SLIT2: variants seen among roughly 807,000 people sequenced by gnomAD.
SLIT2 encodes slit guidance ligand 2.
In SLIT2, 41 loss-of-function variants were observed where a neutral mutation model predicts 185.7. The observed-to-expected ratio is 0.22, with a 90% CI of 0.17 to 0.29. SLIT2 has a LOEUF of 0.29. SLIT2 is among the 10% of genes least tolerant of loss of function. The pLI, the probability that SLIT2 is intolerant of heterozygous loss-of-function variation, is 1.00. For synonymous variants in SLIT2, 693 were observed against 680.2 expected (o/e 1.02, Z -0.29); for missense variants, 1,571 against 1,909.0 (o/e 0.82, Z 3.30).
Position 20,523,769 on chromosome 4 carries a change from T to C in SLIT2, c.1140T>C (p.Asn380=), listed in dbSNP as rs756863304. 6.6e-5 allele frequency: 106 copies of C among 1,613,762 alleles called. No homozygotes were observed. Among genetic ancestry groups the C allele is most frequent in the Non-Finnish European group, 8.8e-5 (104 of 1,179,728 alleles). Residue 380 remains asparagine, a synonymous_variant, in exon 13 of 37, where the codon AAT becomes AAC. Transcript: ENST00000504154. The part of the protein sequence containing the change: ...GLFSLQLLLL[N]ANKINCLRVD... The stretch of plus-strand genomic sequence containing the variant: ...CTATTTAATCAAACAGATTATTGAA[T>C]GCCAACAAGATAAACTGCCTTCGGG...
chr4:20,579,503 A>G (rs1174559111), intron 29 of SLIT2, among the ~76,000 whole-genome samples: 1 of 152,186 alleles, frequency 6.6e-6, no homozygotes, highest in Non-Finnish European at 1.5e-5. Flanking sequence ...TATGTCAGTC[A>G]TTAAGGAAAC....
chr4:20,405,586 A>G (rs1251155777), intron 4 of SLIT2, among the ~76,000 whole-genome samples: 1 of 152,010 alleles, frequency 6.6e-6, no homozygotes, highest in Non-Finnish European at 1.5e-5. Context: ...ATCCATGATT[A>G]TCAACAGGAA....
At chr4:20,555,484 TTTG>T (rs1724167542) in intron 26 of SLIT2, among the ~76,000 whole-genome samples, 1 of 152,032 alleles carries the variant, frequency 6.6e-6, no homozygotes, top group Non-Finnish European at 1.5e-5. Context: ...CTGAAAGGAT[TTTG>T]TTAAGATTAG....
chr4:20,497,666 C>G (rs1032442662), intron 9 of SLIT2, among the ~76,000 whole-genome samples: 1 of 152,166 alleles, frequency 6.6e-6, no homozygotes, highest in Non-Finnish European at 1.5e-5. Flanking sequence ...CCACACAGCA[C>G]TTACCACAGT....
At chr4:20,428,707 G>T (rs1334663496) in intron 4 of SLIT2, among the ~76,000 whole-genome samples, 1 of 152,112 alleles carries the variant, frequency 6.6e-6, no homozygotes, top group Non-Finnish European at 1.5e-5. Context: ...TTTCCACTGG[G>T]TTCCTGGCCT....
In SLIT2 at chr4:20,254,308, G is replaced by A. The variant is rs1298719163; in HGVS notation, c.179+314G>A. Among the ~76,000 whole-genome samples, 1 of 152,168 alleles carries A rather than the reference G, an allele frequency of 6.6e-6. No homozygotes were observed. The highest frequency in any genetic ancestry group is 6.5e-5 in the Admixed American group (1 of 15,286). On this transcript the variant is annotated intron_variant, in intron 1 of 36. Coordinates refer to ENST00000504154, the MANE Select transcript of SLIT2 (RefSeq NM_004787.4). The surrounding 1 kb of genome is among the most constrained non-coding windows in gnomAD (Gnocchi z 5.1). ...AGGGGACAAGTACTGGAGGATGCCC[G>A]GGGCAAGTGAGACGCCACTTTGTTC...
At chr4:20,571,330 A>G (rs1340982314) in intron 29 of SLIT2, among the ~76,000 whole-genome samples, 7 of 152,188 alleles carry the variant, frequency 4.6e-5, no homozygotes, top group Admixed American at 3.3e-4. Flanking sequence ...CGTACAGAAC[A>G]TGAAGATATG....
intron 26 of SLIT2, among the ~76,000 whole-genome samples, chr4:20,556,562 A>G (rs1724271274): frequency 6.6e-6 from 1 of 152,124 alleles, no homozygotes. Context: ...TGGAAGTCCA[A>G]GATAAGTCCC....
chr4:20,503,449 A>G (rs1386928977), intron 9 of SLIT2, among the ~76,000 whole-genome samples: 1 of 152,210 alleles, frequency 6.6e-6, no homozygotes, highest in African/African-American at 2.4e-5. Flanking sequence ...ATAAAACAAC[A>G]AAACTTCTAA....
chr4:20,504,268 G>C (rs1719001748), intron 9 of SLIT2, among the ~76,000 whole-genome samples: 1 of 152,144 alleles, frequency 6.6e-6, no homozygotes, highest in Non-Finnish European at 1.5e-5. Flanking sequence ...TCAGAAGCTA[G>C]TCATTCTGCC....
chr4:20,376,942 A>T (rs990209628), intron 4 of SLIT2, among the ~76,000 whole-genome samples: 1 of 152,158 alleles, frequency 6.6e-6, no homozygotes, highest in African/African-American at 2.4e-5. Flanking sequence ...TAATGGGTGC[A>T]GCAAACCAAC....
At chr4:20,290,448 A>G (rs1294199136) in intron 4 of SLIT2, among the ~76,000 whole-genome samples, 6 of 152,212 alleles carry the variant, frequency 3.9e-5, no homozygotes, top group African/African-American at 7.2e-5. Context: ...TTTAAAGTCT[A>G]TGAGAGGATG....
chr4:20,472,258 C>CTTTATATCTA (rs1715163594), intron 5 of SLIT2, among the ~76,000 whole-genome samples: 1 of 31,246 alleles, frequency 3.2e-5, no homozygotes, highest in Non-Finnish European at 5.3e-5. Flanking sequence ...ATATATAGAT[C>CTTTATATCTA]TATATATAGA....
chr4:20,492,475 C>T (rs1343271506), intron 9 of SLIT2, among the ~76,000 whole-genome samples: 1 of 152,240 alleles, frequency 6.6e-6, no homozygotes, highest in Non-Finnish European at 1.5e-5. Context: ...CTATTGCACA[C>T]GTATTTTGTA....
intron 6 of SLIT2, among the ~76,000 whole-genome samples, chr4:20,485,332 C>T (rs1366017642): frequency 1.3e-5 from 2 of 152,034 alleles, no homozygotes; most frequent in Admixed American, 6.6e-5. Context: ...TTTTATAATA[C>T]TCCATGTTAC....
intron 4 of SLIT2, among the ~76,000 whole-genome samples, chr4:20,404,307 T>C (rs939464166): frequency 1.3e-5 from 2 of 152,000 alleles, no homozygotes; most frequent in African/African-American, 4.8e-5. Flanking sequence ...TCTAGAACAC[T>C]GTTCAATTTG....
At chr4:20,259,424 C>T (rs1301899181) in intron 3 of SLIT2, among the ~76,000 whole-genome samples, 2 of 151,552 alleles carry the variant, frequency 1.3e-5, no homozygotes, top group African/African-American at 4.8e-5. Flanking sequence ...CTTTTAGTCA[C>T]CACAGGAAAG....
intron 4 of SLIT2, among the ~76,000 whole-genome samples, chr4:20,463,448 GATATATATATATATATATATAT>G (rs56256520): frequency 0.21 from 13,862 of 67,488 alleles, 1,403 homozygotes; most frequent in East Asian, 0.44. Context: ...CTCAAACTGT[GATATATATATATATATATATAT>G]ATATATATAT....
chr4:20,318,792 G>A (rs1367795499), intron 4 of SLIT2, among the ~76,000 whole-genome samples: 1 of 152,128 alleles, frequency 6.6e-6, no homozygotes, highest in African/African-American at 2.4e-5. Context: ...AATTAGCTAA[G>A]AGTGATTTTA....
Sources: gnomAD v4.1 joint callset for allele counts (sites outside exome capture counted in the v4.1 genomes callset) on GRCh38, gnomAD v4.1.1 for gene constraint, Gnocchi (gnomAD v3.1) non-coding constraint, MANE v1.5 for transcripts, NCBI Gene and HGNC (gene_info 2026-07-23, HGNC 2026-07-21) for gene names.